Variants in AGBL4 observed in about 807,000 individuals in gnomAD.
AGBL4 encodes the protein cytosolic carboxypeptidase 6.
Under a neutral mutation model 66.4 loss-of-function variants are expected in AGBL4, and 58 were observed. The observed-to-expected ratio is 0.87, with a 90% CI of 0.71 to 1.09. The LOEUF is 1.09. Ranked by LOEUF, AGBL4 falls within the 50% of genes least tolerant of loss-of-function variation. The pLI, the probability that AGBL4 is intolerant of heterozygous loss-of-function variation, is 0.00. For missense variants in AGBL4, 579 were observed against 631.0 expected (o/e 0.92, Z 0.88); for synonymous variants, 234 against 222.9 (o/e 1.05, Z -0.44).
intron 2 of AGBL4, among the ~76,000 whole-genome samples, chr1:49,710,507 C>T (rs896739274): frequency 6.6e-6 from 1 of 152,002 alleles, no homozygotes; most frequent in African/African-American, 2.4e-5. Flanking sequence ...TTGATGGGTG[C>T]AGCAAACCAC....
intron 3 of AGBL4, among the ~76,000 whole-genome samples, chr1:49,682,204 G>A (rs1571320417): frequency 1.3e-5 from 2 of 152,036 alleles, no homozygotes; most frequent in South Asian, 2.1e-4. Flanking sequence ...TCAAGAGATC[G>A]AGACCATCCT....
rs141650746 is a variant in AGBL4, at chr1:49,483,987, G to A, written c.282+213326C>T. On this transcript the variant is annotated intron_variant, in intron 3 of 13. Transcript: ENST00000371839. ...AAAGAAGACATACAAATGGCAAATGGGTATAAAAAGGTGCTCAACATTATT... is the reference window on the plus strand; with the variant it reads ...AAAGAAGACATACAAATGGCAAATGAGTATAAAAAGGTGCTCAACATTATT... Among the ~76,000 whole-genome samples, 73 of 151,790 alleles carry A rather than the reference G, an allele frequency of 4.8e-4. No homozygotes were observed. In the East Asian group the frequency reaches 0.013, roughly 26 times the overall value.
At chr1:49,734,925 A>G (rs952135572) in intron 2 of AGBL4, among the ~76,000 whole-genome samples, 3 of 152,152 alleles carry the variant, frequency 2.0e-5, no homozygotes, top group Non-Finnish European at 2.9e-5. Context: ...AGGCATATAG[A>G]TCAATAGAAC....
intron 2 of AGBL4, among the ~76,000 whole-genome samples, chr1:49,739,240 G>A (rs576227411): frequency 2.5e-4 from 38 of 152,134 alleles, no homozygotes; most frequent in African/African-American, 6.0e-4. Context: ...ACCATGGCAC[G>A]AGAACTACAT....
chr1:48,862,013 C>A (rs1471762270), intron 6 of AGBL4, among the ~76,000 whole-genome samples: 1 of 152,196 alleles, frequency 6.6e-6, no homozygotes, highest in African/African-American at 2.4e-5. Flanking sequence ...ACCAGACACT[C>A]TTTACAGGGC....
chr1:49,975,132 A>G (rs1658450094), intron 1 of AGBL4, among the ~76,000 whole-genome samples: 1 of 152,214 alleles, frequency 6.6e-6, no homozygotes, highest in South Asian at 2.1e-4. Flanking sequence ...TACTATTCTA[A>G]AGCATATTTA....
intron 11 of AGBL4, among the ~76,000 whole-genome samples, chr1:48,563,372 A>T (rs1378282601): frequency 6.6e-6 from 1 of 152,228 alleles, no homozygotes; most frequent in Non-Finnish European, 1.5e-5. Flanking sequence ...GCCATCAATT[A>T]ACCACTGGGC....
rs546397006 is a variant in AGBL4, at chr1:48,617,307, A to G, written c.951+17186T>C. On this transcript the variant is annotated intron_variant, in intron 9 of 13. Transcript: ENST00000371839. ...TTGTCATTTTTAACAAATTATACCA[A>G]AGCAGACTGTCAGATTAAAGGGGTC... Among the ~76,000 whole-genome samples, 9 of 152,274 alleles carry G rather than the reference A, an allele frequency of 5.9e-5. No individual in the cohort carries two copies. The South Asian group carries it at 1.9e-3, about 32-fold the overall frequency.
intron 6 of AGBL4, among the ~76,000 whole-genome samples, chr1:48,836,689 T>G (rs1276581107): frequency 6.6e-6 from 1 of 152,164 alleles, no homozygotes; most frequent in Non-Finnish European, 1.5e-5. Flanking sequence ...ATACGTATAA[T>G]AATTTCTTAA....
chr1:49,047,237 A>G (rs559711758), intron 4 of AGBL4, among the ~76,000 whole-genome samples: 4 of 152,298 alleles, frequency 2.6e-5, no homozygotes, highest in Admixed American at 2.6e-4. Flanking sequence ...ATTTGATTAT[A>G]TTAGAAAAAG....
At chr1:49,624,392 A>G (rs1645427143) in intron 3 of AGBL4, among the ~76,000 whole-genome samples, 1 of 152,190 alleles carries the variant, frequency 6.6e-6, no homozygotes, top group African/African-American at 2.4e-5. Flanking sequence ...GCTGCAAGAG[A>G]GATTTCTAAT....
chr1:49,213,428 C>A (rs1648828956), intron 4 of AGBL4, among the ~76,000 whole-genome samples: 2 of 152,008 alleles, frequency 1.3e-5, no homozygotes, highest in Admixed American at 1.3e-4. Context: ...TCCCTCATGG[C>A]TTGGTGCTGT....
At chr1:49,737,486 G>A (rs1423654567) in intron 2 of AGBL4, among the ~76,000 whole-genome samples, 2 of 152,232 alleles carry the variant, frequency 1.3e-5, no homozygotes, top group African/African-American at 2.4e-5. Context: ...CATTGGGTAC[G>A]CATGGACATA....
At position 48,993,107 on chromosome 1, in the gene AGBL4, G is replaced by A. The variant is rs150079130; in HGVS notation, c.594+52477C>T. On this transcript the variant is annotated intron_variant, in intron 5 of 13. Transcript: ENST00000371839. ...ATGTCCTGGGTCAAACCTGAAGCTC[G>A]CATGTCTCAGGGTCTCAGCCAAGGC... Among the ~76,000 whole-genome samples, 164 of 152,218 alleles carry A rather than the reference G, an allele frequency of 1.1e-3. 1 individual carries two copies. The highest frequency in any genetic ancestry group is 9.3e-3 in the South Asian group (45 of 4,824).
At chr1:49,247,109 A>G (rs1276972915) in intron 3 of AGBL4, among the ~76,000 whole-genome samples, 1 of 152,076 alleles carries the variant, frequency 6.6e-6, no homozygotes, top group African/African-American at 2.4e-5. Flanking sequence ...CAGGGGATAA[A>G]CAGATAAGAT....
chr1:49,679,118 AGTTGTT>A, intron 3 of AGBL4, among the ~76,000 whole-genome samples: 1 of 152,286 alleles, frequency 6.6e-6, no homozygotes, highest in East Asian at 1.9e-4. Context: ...ATGTGTTACC[AGTTGTT>A]GAGAGAGGGG....
intron 6 of AGBL4, chr1:48,761,260 C>T: frequency 1.4e-6 from 2 of 1,420,290 alleles, no homozygotes. Flanking sequence ...GGAGAGGAAG[C>T]CAGACTGAAA....
intron 6 of AGBL4, among the ~76,000 whole-genome samples, chr1:48,695,120 G>A (rs1439413923): frequency 6.6e-6 from 1 of 152,092 alleles, no homozygotes; most frequent in Non-Finnish European, 1.5e-5. Context: ...ACTCTGTGAC[G>A]GGGCTTTACC....
At chr1:48,928,479 A>T (rs368126174) in intron 5 of AGBL4, among the ~76,000 whole-genome samples, 1 of 152,316 alleles carries the variant, frequency 6.6e-6, no homozygotes, top group South Asian at 2.1e-4. Flanking sequence ...TTGGAATTTC[A>T]TAACGATTTA....
Sources: allele counts gnomAD v4.1 joint callset (sites outside exome capture counted in the v4.1 genomes callset), GRCh38; gene constraint gnomAD v4.1.1; transcripts MANE v1.5; gene names NCBI Gene and HGNC (gene_info 2026-07-23, HGNC 2026-07-21).